The following TENM3 variants were observed in gnomAD, a reference collection of about 807,000 sequenced individuals.
TENM3 encodes teneurin-3.
Under a neutral mutation model 255.1 loss-of-function variants are expected in TENM3, and 63 were observed. The ratio of observed to expected loss-of-function variants is 0.25; its 90% CI spans 0.20 to 0.30. TENM3 has a LOEUF of 0.30. TENM3 is among the 10% of genes least tolerant of loss of function. TENM3 has a pLI of 1.00. For synonymous variants in TENM3, 1,306 were observed against 1,322.3 expected, an observed-to-expected ratio of 0.99 and a Z score of 0.27; for missense variants, 2,929 against 3,461.1, an observed-to-expected ratio of 0.85 and a Z score of 3.86.
At chr4:182,574,671 TA>T (rs566649951) in intron 3 of TENM3, among the ~76,000 whole-genome samples, 66 of 152,278 alleles carry the variant, frequency 4.3e-4, no homozygotes, top group African/African-American at 1.5e-3. Context: ...CTAATACACC[TA>T]AAACTGGTTA....
At chr4:182,167,269 CA>C (rs948711365) in intron 1 of TENM3, among the ~76,000 whole-genome samples, 1 of 152,140 alleles carries the variant, frequency 6.6e-6, no homozygotes, top group African/African-American at 2.4e-5. Context: ...AGACATTTAT[CA>C]AAAGGGATGC....
chr4:181,522,244 T>C, the TENM3 span, among the ~76,000 whole-genome samples: 2 of 151,638 alleles, frequency 1.3e-5, no homozygotes, highest in Admixed American at 6.6e-5. Flanking sequence ...TTCACATCAA[T>C]GAGAAGATCT....
intron 3 of TENM3, among the ~76,000 whole-genome samples, chr4:182,353,920 G>A (rs540531370): frequency 2.6e-5 from 4 of 151,228 alleles, no homozygotes; most frequent in South Asian, 4.2e-4. Flanking sequence ...AGCCGAGATC[G>A]TGCCACTGCA....
the TENM3 span, among the ~76,000 whole-genome samples, chr4:181,950,069 T>G: frequency 0.025 from 3,841 of 152,240 alleles, 130 homozygotes; most frequent in African/African-American, 0.074. Context: ...CAAAAGAAGT[T>G]AATATGCCCT....
At chr4:182,176,821 A>ATT (rs529637466) in intron 1 of TENM3, among the ~76,000 whole-genome samples, 1,924 of 113,096 alleles carry the variant, frequency 0.017, 47 homozygotes, top group African/African-American at 0.04. Flanking sequence ...CATCCGGCTA[A>ATT]TTTTTTTTTT....
In TENM3 at chr4:182,747,471, A is replaced by G. The variant is rs1177051626; in HGVS notation, c.3629+4052A>G. ...TTTTACATACATAGAAGCTGCTACA[A>G]TTCTTTAAAAATGTCTTTCTTTTAG... is the stretch of plus-strand genomic sequence containing the variant. On this transcript the variant is annotated intron_variant, in intron 19 of 27. Coordinates refer to ENST00000511685, the MANE Select transcript of TENM3 (RefSeq NM_001080477.4). 4.6e-5 allele frequency among the ~76,000 whole-genome samples: 7 copies of G among 152,194 alleles called. No homozygotes were observed. The South Asian group carries it at 8.3e-4, about 18-fold the overall frequency.
At chr4:182,181,227 T>G (rs1752819912) in intron 1 of TENM3, among the ~76,000 whole-genome samples, 2 of 152,018 alleles carry the variant, frequency 1.3e-5, no homozygotes, top group African/African-American at 4.8e-5. Flanking sequence ...CCTTTGCTGT[T>G]CCCCCTGAAC....
At chr4:182,351,145 G>C (rs537544065) in intron 3 of TENM3, among the ~76,000 whole-genome samples, 1 of 151,742 alleles carries the variant, frequency 6.6e-6, no homozygotes, top group East Asian at 1.9e-4. Flanking sequence ...ATGTTTCCAT[G>C]GAGAGTAACT....
the TENM3 span, among the ~76,000 whole-genome samples, chr4:181,983,633 C>G: frequency 6.6e-6 from 1 of 152,028 alleles, no homozygotes; most frequent in Non-Finnish European, 1.5e-5. Context: ...GTATAATTAC[C>G]AATACAAGCA....
chr4:181,595,514 G>T, the TENM3 span, among the ~76,000 whole-genome samples: 8,497 of 151,298 alleles, frequency 0.056, 324 homozygotes, highest in South Asian at 0.14. Flanking sequence ...GTTATTGGAA[G>T]TGTGGTAGGA....
chr4:182,185,059 G>T (rs528113998), intron 1 of TENM3, among the ~76,000 whole-genome samples: 71 of 149,070 alleles, frequency 4.8e-4, no homozygotes, highest in African/African-American at 1.7e-3. Flanking sequence ...CTCCAGCCTG[G>T]ACAACAAGAG....
chr4:182,521,616 C>T (rs1738583070), intron 3 of TENM3, among the ~76,000 whole-genome samples: 1 of 152,148 alleles, frequency 6.6e-6, no homozygotes, highest in African/African-American at 2.4e-5. Context: ...AAATTAAAAG[C>T]ATGAGAGTCA....
intron 3 of TENM3, among the ~76,000 whole-genome samples, chr4:182,556,593 A>C (rs540646868): frequency 1.3e-5 from 2 of 152,212 alleles, no homozygotes; most frequent in Non-Finnish European, 2.9e-5. Context: ...CTTATCTCTT[A>C]TAAGTTTTAC....
chr4:182,088,889 A>T, the TENM3 span, among the ~76,000 whole-genome samples: 1 of 152,172 alleles, frequency 6.6e-6, no homozygotes, highest in Non-Finnish European at 1.5e-5. Flanking sequence ...AAAGGACTGA[A>T]TGTTTATGTC....
At chr4:181,952,814 G>C in the TENM3 span, among the ~76,000 whole-genome samples, 1 of 152,224 alleles carries the variant, frequency 6.6e-6, no homozygotes, top group Non-Finnish European at 1.5e-5. Context: ...CAGGCGCTGG[G>C]GGGCCAAGGG....
At chr4:182,261,548 A>G (rs932324357) in intron 1 of TENM3, among the ~76,000 whole-genome samples, 12 of 152,194 alleles carry the variant, frequency 7.9e-5, no homozygotes, top group African/African-American at 2.9e-4. Flanking sequence ...TGTTTCAAAT[A>G]ACAAATGCGC....
the TENM3 span, among the ~76,000 whole-genome samples, chr4:181,841,335 CA>C: frequency 6.6e-6 from 1 of 151,812 alleles, no homozygotes; most frequent in African/African-American, 2.4e-5. Flanking sequence ...TTGCATTTTC[CA>C]AAGTGTACTA....
the TENM3 span, among the ~76,000 whole-genome samples, chr4:181,687,108 A>G: frequency 5.3e-5 from 8 of 152,224 alleles, 1 homozygote; most frequent in Admixed American, 3.3e-4. Context: ...TTGATGCCAA[A>G]TTAGTAATTT....
At chr4:181,737,542 A>G in the TENM3 span, among the ~76,000 whole-genome samples, 1 of 151,978 alleles carries the variant, frequency 6.6e-6, no homozygotes, top group African/African-American at 2.4e-5. Flanking sequence ...CTTCAGGGGG[A>G]AAAAAACGCT....
Sources: gnomAD v4.1 joint callset for allele counts (sites outside exome capture counted in the v4.1 genomes callset) on GRCh38, gnomAD v4.1.1 for gene constraint, MANE v1.5 for transcripts, NCBI Gene and HGNC (gene_info 2026-07-23, HGNC 2026-07-21) for gene names.